The following TENM2 variants were observed in gnomAD, a reference collection of about 807,000 sequenced individuals.
TENM2 encodes the protein teneurin transmembrane protein 2.
Under a neutral mutation model 245.2 loss-of-function variants are expected in TENM2, and 52 were observed. The observed-to-expected ratio is 0.21, with a 90% confidence interval of 0.17 to 0.27. The LOEUF (loss-of-function observed/expected upper bound fraction) is 0.27, where lower values mean the gene tolerates loss of function less well. Ranked by LOEUF, TENM2 falls within the 10% of genes least tolerant of loss-of-function variation. The pLI, the probability that TENM2 is intolerant of heterozygous loss-of-function variation, is 1.00. For missense variants in TENM2, 3,046 were observed against 3,666.8 expected (o/e 0.83, Z 4.37); for synonymous variants, 1,363 against 1,438.9 (o/e 0.95, Z 1.19).
the TENM2 span, among the ~76,000 whole-genome samples, chr5:167,210,206 T>C: frequency 6.6e-6 from 1 of 152,166 alleles, no homozygotes; most frequent in South Asian, 2.1e-4. Flanking sequence ...TAAGACCACT[T>C]AGCTGATAGT....
intron 5 of TENM2, among the ~76,000 whole-genome samples, chr5:168,012,774 GAAAAAAAA>G (rs3056563): frequency 9.4e-5 from 7 of 74,286 alleles, no homozygotes; most frequent in South Asian, 5.6e-4. Context: ...AAGAACAACT[GAAAAAAAA>G]AAAAAAAAAA....
chr5:168,131,286 G>A (rs1380528880), intron 12 of TENM2, among the ~76,000 whole-genome samples: 1 of 152,284 alleles, frequency 6.6e-6, no homozygotes, highest in East Asian at 1.9e-4. Flanking sequence ...AGTGAGTAAA[G>A]GCTGCAATGG....
At chr5:168,066,100 G>A (rs1242973243) in intron 7 of TENM2, among the ~76,000 whole-genome samples, 2 of 152,172 alleles carry the variant, frequency 1.3e-5, no homozygotes, top group Non-Finnish European at 2.9e-5. Context: ...ATAGTGCTGA[G>A]GTTAGAAAAC....
chr5:167,269,461 A>G, the TENM2 span, among the ~76,000 whole-genome samples: 1 of 152,008 alleles, frequency 6.6e-6, no homozygotes. Flanking sequence ...TTCTTGTCTC[A>G]TGTCATCATT....
chr5:167,418,050 C>T lies in TENM2; in HGVS notation c.502+42577C>T, dbSNP rs549467373. Among the ~76,000 whole-genome samples the T allele has an allele frequency of 6.6e-5, 10 of 152,320 alleles. No homozygotes were observed. The East Asian group carries it at 1.9e-3, about 29-fold the overall frequency. ...AATCAAATTAAACTGCTTTGGAGAGCTGGGCACGGTGGCTCACGCCTGTAA... is the reference window on the plus strand; with the variant it reads ...AATCAAATTAAACTGCTTTGGAGAGTTGGGCACGGTGGCTCACGCCTGTAA... On this transcript the variant is annotated intron_variant, in intron 2 of 28. Coordinates refer to ENST00000518659, the Ensembl canonical transcript of TENM2.
Position 168,187,162 on chromosome 5 carries a change from T to C in TENM2, c.2570-3175T>C, listed in dbSNP as rs138159908. 1.0e-3 allele frequency: 157 copies of C among 152,348 alleles called. 1 individual carries two copies. The highest frequency in any genetic ancestry group is 3.1e-3 in the Admixed American group (48 of 15,308). 9.4% of individuals were successfully genotyped at this position (152,348 alleles called of 1,614,324 possible). On this transcript the variant is annotated intron_variant, in intron 13 of 28. Coordinates refer to ENST00000518659, the Ensembl canonical transcript of TENM2. ...TCTTTCTGTTTTGGCATTTGTCATC[T>C]GCTATTGCTGATGTGCTTAGGCCAT... is the stretch of plus-strand genomic sequence containing the variant.
At chr5:167,228,905 A>G in the TENM2 span, among the ~76,000 whole-genome samples, 3 of 152,030 alleles carry the variant, frequency 2.0e-5, no homozygotes, top group Admixed American at 2.0e-4. Flanking sequence ...GGGTTTCAAC[A>G]TTCACAGGAT....
At chr5:167,052,828 C>T in the TENM2 span, among the ~76,000 whole-genome samples, 2 of 151,550 alleles carry the variant, frequency 1.3e-5, no homozygotes, top group East Asian at 1.9e-4. Context: ...TTTTTATCAC[C>T]TCTTTACTTC....
At chr5:167,874,974 AC>A (rs1583253181) in intron 2 of TENM2, among the ~76,000 whole-genome samples, 1 of 152,170 alleles carries the variant, frequency 6.6e-6, no homozygotes, top group Admixed American at 6.5e-5. Flanking sequence ...CCAATGCATC[AC>A]CCTTTCCATC....
the TENM2 span, among the ~76,000 whole-genome samples, chr5:167,275,150 C>A: frequency 6.6e-6 from 1 of 151,898 alleles, no homozygotes; most frequent in Admixed American, 6.6e-5. Context: ...TGCTTTTGCA[C>A]CTTTCTTAAA....
chr5:167,775,054 C>T (rs1279574113), intron 2 of TENM2, among the ~76,000 whole-genome samples: 1 of 152,118 alleles, frequency 6.6e-6, no homozygotes, highest in Non-Finnish European at 1.5e-5. Context: ...ACCGCAACCT[C>T]CACCTCCCGA....
chr5:167,240,702 G>A, the TENM2 span, among the ~76,000 whole-genome samples: 1 of 152,200 alleles, frequency 6.6e-6, no homozygotes, highest in African/African-American at 2.4e-5. Flanking sequence ...TACTTTGGCA[G>A]TGCATGAAAT....
chr5:167,192,605 A>G, the TENM2 span, among the ~76,000 whole-genome samples: 1 of 152,082 alleles, frequency 6.6e-6, no homozygotes, highest in African/African-American at 2.4e-5. Flanking sequence ...TTGAATTCAA[A>G]GACTTCAAAA....
intron 1 of TENM2, among the ~76,000 whole-genome samples, chr5:167,289,037 C>A (rs1350680250): frequency 1.3e-5 from 2 of 152,182 alleles, no homozygotes; most frequent in African/African-American, 4.8e-5. Flanking sequence ...CCCTGCTGAT[C>A]TAATTCCTGT....
At chr5:167,598,948 T>C (rs1776414086) in intron 2 of TENM2, among the ~76,000 whole-genome samples, 1 of 152,210 alleles carries the variant, frequency 6.6e-6, no homozygotes, top group Non-Finnish European at 1.5e-5. Flanking sequence ...AACTGCGCTC[T>C]CCTAGCAAAG....
At position 167,288,545 on chromosome 5, in the gene TENM2, C is replaced by T. The variant is rs563485007; in HGVS notation, c.226+3482C>T. Among the ~76,000 whole-genome samples the T allele has an allele frequency of 1.1e-3, 154 of 138,142 alleles. 1 individual carries two copies. In the South Asian group the frequency reaches 0.025, roughly 22 times the overall value. The allele number at this position is 138,142 out of a possible 152,430, so 90.6% of individuals were successfully genotyped here. A position where few individuals can be genotyped will look rare whatever the true frequency, so the allele number is the denominator to read the frequency against. On this transcript the variant is annotated intron_variant, in intron 1 of 28. Coordinates refer to ENST00000518659, the Ensembl canonical transcript of TENM2. The stretch of plus-strand genomic sequence containing the variant: ...CTGCACTCCAGCCTGGGCGACAGAG[C>T]GAGACTCCGTCTCAAAAAAAAAAAA...
chr5:167,413,027 A>G (rs1215276695), intron 2 of TENM2, among the ~76,000 whole-genome samples: 1 of 152,072 alleles, frequency 6.6e-6, no homozygotes, highest in South Asian at 2.1e-4. Context: ...TTGGCCCTAT[A>G]TCTTCATTTA....
chr5:167,231,885 C>T, the TENM2 span, among the ~76,000 whole-genome samples: 31,707 of 152,080 alleles, frequency 0.21, 3,886 homozygotes, highest in African/African-American at 0.34. Flanking sequence ...GGGCCGGCCC[C>T]GGGCCTTTCT....
intron 2 of TENM2, among the ~76,000 whole-genome samples, chr5:167,621,620 G>C (rs1209585652): frequency 2.0e-5 from 3 of 152,114 alleles, no homozygotes; most frequent in Non-Finnish European, 4.4e-5. Context: ...ATAGACACAA[G>C]TAGACTCATG....
Sources: allele counts gnomAD v4.1 joint callset (sites outside exome capture counted in the v4.1 genomes callset), GRCh38; gene constraint gnomAD v4.1.1; transcripts MANE v1.5; gene names NCBI Gene and HGNC (gene_info 2026-07-23, HGNC 2026-07-21).